GALNT13: variants seen among roughly 807,000 people sequenced by gnomAD.
GALNT13 encodes the protein polypeptide N-acetylgalactosaminyltransferase 13.
Under a neutral mutation model 64.2 loss-of-function variants are expected in GALNT13, and 28 were observed. The ratio of observed to expected loss-of-function variants is 0.44; its 90% CI spans 0.32 to 0.60. The LOEUF (loss-of-function observed/expected upper bound fraction) is 0.60, where lower values mean the gene tolerates loss of function less well. GALNT13 is among the 20% of genes least tolerant of loss of function. The probability of loss-of-function intolerance (pLI) is 0.05; values close to 1 mark genes in which losing one functional copy is unlikely to be tolerated. For missense variants in GALNT13, 577 were observed against 669.8 expected (o/e 0.86, Z 1.53); for synonymous variants, 214 against 224.6 (o/e 0.95, Z 0.42).
chr2:153,084,528 C>G, the GALNT13 span, among the ~76,000 whole-genome samples: 1 of 152,236 alleles, frequency 6.6e-6, no homozygotes. Flanking sequence ...TAGTAATTTC[C>G]ACATGTCAAG....
chr2:153,201,160 TG>T, the GALNT13 span, among the ~76,000 whole-genome samples: 1 of 152,204 alleles, frequency 6.6e-6, no homozygotes. Flanking sequence ...ACCATCTGCC[TG>T]TCCCTGCAGT....
chr2:153,983,388 T>C (rs1443820653), intron 3 of GALNT13, among the ~76,000 whole-genome samples: 1 of 151,872 alleles, frequency 6.6e-6, no homozygotes, highest in Admixed American at 6.6e-5. Flanking sequence ...TGATAAATGG[T>C]AATTAATATT....
the GALNT13 span, among the ~76,000 whole-genome samples, chr2:153,258,729 A>C: frequency 6.6e-6 from 1 of 152,168 alleles, no homozygotes; most frequent in African/African-American, 2.4e-5. Context: ...CTGGTCATTC[A>C]GGAGCATATT....
chr2:153,393,405 G>A, the GALNT13 span, among the ~76,000 whole-genome samples: 4 of 151,866 alleles, frequency 2.6e-5, no homozygotes, highest in Admixed American at 6.6e-5. Context: ...CTATGGTAAC[G>A]TCATTTTACT....
the GALNT13 span, among the ~76,000 whole-genome samples, chr2:153,829,526 C>A: frequency 6.6e-6 from 1 of 152,018 alleles, no homozygotes; most frequent in African/African-American, 2.4e-5. Flanking sequence ...AAGACCTGCC[C>A]CCATGATTCA....
chr2:153,754,716 G>A, the GALNT13 span, among the ~76,000 whole-genome samples: 1 of 152,102 alleles, frequency 6.6e-6, no homozygotes, highest in Admixed American at 6.6e-5. Flanking sequence ...TGCCCTCTCA[G>A]TCCTCTGGTT....
the GALNT13 span, among the ~76,000 whole-genome samples, chr2:153,439,951 G>A: frequency 2.7e-4 from 41 of 152,214 alleles, no homozygotes; most frequent in Admixed American, 4.6e-4. Context: ...CTATTCGGCC[G>A]TCTTGGCCTA....
At chr2:153,140,908 T>A in the GALNT13 span, among the ~76,000 whole-genome samples, 1 of 152,022 alleles carries the variant, frequency 6.6e-6, no homozygotes, top group Non-Finnish European at 1.5e-5. Flanking sequence ...AAGTGTTTAA[T>A]TCAACACCTT....
At chr2:153,366,720 G>GACACACACACACAC in the GALNT13 span, among the ~76,000 whole-genome samples, 29 of 109,158 alleles carry the variant, frequency 2.7e-4, no homozygotes, top group Middle Eastern at 4.9e-3. Context: ...AGCACACAGG[G>GACACACACACACAC]ACACACACAC....
chr2:153,535,835 A>T, the GALNT13 span, among the ~76,000 whole-genome samples: 1,527 of 152,262 alleles, frequency 0.01, 21 homozygotes, highest in African/African-American at 0.035. Context: ...GATTTGACTA[A>T]TAAAGGCTGG....
At chr2:153,097,321 A>G in the GALNT13 span, among the ~76,000 whole-genome samples, 1 of 151,980 alleles carries the variant, frequency 6.6e-6, no homozygotes, top group Non-Finnish European at 1.5e-5. Flanking sequence ...ACAGTATTAT[A>G]TTCTATGTTT....
At chr2:153,770,345 GT>G in the GALNT13 span, among the ~76,000 whole-genome samples, 1 of 152,166 alleles carries the variant, frequency 6.6e-6, no homozygotes, top group Non-Finnish European at 1.5e-5. Flanking sequence ...CCAAGAGTCT[GT>G]TTTTAAGTTC....
At chr2:154,342,455 C>G (rs757565031) in intron 9 of GALNT13, among the ~76,000 whole-genome samples, 1 of 151,948 alleles carries the variant, frequency 6.6e-6, no homozygotes, top group Non-Finnish European at 1.5e-5. Flanking sequence ...GGCCATAGAA[C>G]AAATCGAGGC....
At chr2:153,443,246 G>A in the GALNT13 span, among the ~76,000 whole-genome samples, 2 of 152,264 alleles carry the variant, frequency 1.3e-5, no homozygotes, top group Admixed American at 6.5e-5. Flanking sequence ...TATCTGGGCC[G>A]GATTACACAA....
chr2:153,472,523 G>A, the GALNT13 span, among the ~76,000 whole-genome samples: 1 of 152,058 alleles, frequency 6.6e-6, no homozygotes. Context: ...ATACATGAGT[G>A]CTTGAGAAAC....
At chr2:153,381,314 C>A in the GALNT13 span, among the ~76,000 whole-genome samples, 5 of 151,658 alleles carry the variant, frequency 3.3e-5, no homozygotes, top group African/African-American at 7.3e-5. Flanking sequence ...CCTTTTTTTT[C>A]TCATTATTTC....
chr2:153,427,559 GA>G, the GALNT13 span, among the ~76,000 whole-genome samples: 2 of 151,968 alleles, frequency 1.3e-5, no homozygotes, highest in Non-Finnish European at 2.9e-5. Flanking sequence ...TTAGCCTTGG[GA>G]AAAAAGATGG....
the GALNT13 span, among the ~76,000 whole-genome samples, chr2:153,570,944 T>C: frequency 6.6e-6 from 1 of 152,094 alleles, no homozygotes; most frequent in Non-Finnish European, 1.5e-5. Flanking sequence ...TCTGAGACTT[T>C]TGTGGTTCCA....
the GALNT13 span, among the ~76,000 whole-genome samples, chr2:153,790,760 A>G: frequency 6.6e-6 from 1 of 152,214 alleles, no homozygotes; most frequent in African/African-American, 2.4e-5. Context: ...AAGTTTCAGG[A>G]TACAAAATCA....
Sources: allele counts gnomAD v4.1 joint callset (sites outside exome capture counted in the v4.1 genomes callset), GRCh38; gene constraint gnomAD v4.1.1; transcripts MANE v1.5; gene names NCBI Gene and HGNC (gene_info 2026-07-23, HGNC 2026-07-21).